Variants in UBXN2B observed in about 807,000 individuals in gnomAD.
The protein encoded by UBXN2B is UBX domain protein 2B, also known as UBX domain-containing protein 2B.
In UBXN2B, 19 loss-of-function variants were observed where a neutral mutation model predicts 37.5. The ratio of observed to expected loss-of-function variants is 0.51; its 90% CI spans 0.35 to 0.74. UBXN2B has a LOEUF of 0.74. Among genes scored for constraint, UBXN2B ranks in the 30% least tolerant of loss-of-function variants. The pLI, the probability that UBXN2B is intolerant of heterozygous loss-of-function variation, is 0.01. For missense variants in UBXN2B, 370 were observed against 393.2 expected, an observed-to-expected ratio of 0.94 and a Z score of 0.50; for synonymous variants, 145 against 143.8, an observed-to-expected ratio of 1.01 and a Z score of -0.06.
intron 2 of UBXN2B, chr8:58,424,984 A>G (rs1563459429): frequency 5.1e-6 from 4 of 790,634 alleles, no homozygotes; most frequent in East Asian, 2.4e-5. Flanking sequence ...TGTCCGGCCA[A>G]TTCCAGCACT....
At chr8:58,432,375 C>CGTTTTT (rs1554552059) in intron 3 of UBXN2B, among the ~76,000 whole-genome samples, 4 of 81,522 alleles carry the variant, frequency 4.9e-5, no homozygotes, top group Non-Finnish European at 8.5e-5. Flanking sequence ...TTCTAAATTT[C>CGTTTTT]TTTTTTTTTT....
intron 2 of UBXN2B, among the ~76,000 whole-genome samples, chr8:58,427,546 A>G (rs1457390289): frequency 6.6e-6 from 1 of 152,222 alleles, no homozygotes; most frequent in African/African-American, 2.4e-5. Context: ...GATATTTTAA[A>G]GGTGTTCATT....
chr8:58,427,920 A>G (rs184440538), intron 2 of UBXN2B, among the ~76,000 whole-genome samples: 1 of 152,338 alleles, frequency 6.6e-6, no homozygotes, highest in Admixed American at 6.5e-5. Flanking sequence ...ACTCAGTAAA[A>G]TAGAGAAGGA....
chr8:58,446,076 T>G lies in UBXN2B; in HGVS notation c.833+8T>G, dbSNP rs200263793. ...ATTCAATAGTACACACAGGTAAGCT[T>G]CTTTACCAACAGTGTCCTGTTTGCT... On this transcript the variant is annotated splice_region_variant and intron_variant, in intron 7 of 7. Coordinates refer to ENST00000399598, the MANE Select transcript of UBXN2B (RefSeq NM_001077619.2). 6 of 1,602,694 alleles carry G rather than the reference T, an allele frequency of 3.7e-6. No homozygotes were observed. The African/African-American group carries it at 4.0e-5, about 11-fold the overall frequency.
Position 58,426,654 on chromosome 8 carries a change from A to G in UBXN2B, c.189-3865A>G, listed in dbSNP as rs1808100695. The G allele has an allele frequency of 5.4e-6, 4 of 739,876 alleles. 1 individual carries two copies. The highest frequency in any genetic ancestry group is 5.4e-5 in the South Asian group (4 of 74,218). 45.8% of individuals were successfully genotyped at this position (739,876 alleles called of 1,614,324 possible). On this transcript the variant is annotated intron_variant, in intron 2 of 7. Coordinates refer to ENST00000399598, the MANE Select transcript of UBXN2B (RefSeq NM_001077619.2). ...TGGGTTTTCTGCCTCCACCCCAGTGATATTTGGGTGAAACCATCTCTACAA... is the reference window on the plus strand; with the variant it reads ...TGGGTTTTCTGCCTCCACCCCAGTGGTATTTGGGTGAAACCATCTCTACAA...
intron 2 of UBXN2B, among the ~76,000 whole-genome samples, chr8:58,417,770 A>G (rs1807822082): frequency 6.6e-6 from 1 of 152,170 alleles, no homozygotes; most frequent in African/African-American, 2.4e-5. Context: ...ACCTATATTC[A>G]CCAAGTTGGT....
At chr8:58,447,092 C>T (rs1442205435) in intron 7 of UBXN2B, among the ~76,000 whole-genome samples, 2 of 151,980 alleles carry the variant, frequency 1.3e-5, no homozygotes, top group African/African-American at 4.8e-5. Context: ...AGCCACCGTG[C>T]CCAGCTGGAC....
chr8:58,437,448 C>CT (rs1328970703), intron 5 of UBXN2B, among the ~76,000 whole-genome samples: 3 of 151,374 alleles, frequency 2.0e-5, no homozygotes, highest in African/African-American at 7.3e-5. Flanking sequence ...CTGCCTCAGC[C>CT]TCCCAAGTAG....
chr8:58,433,513 A>C (rs1808336195), intron 4 of UBXN2B, among the ~76,000 whole-genome samples: 1 of 151,790 alleles, frequency 6.6e-6, no homozygotes, highest in African/African-American at 2.4e-5. Flanking sequence ...GGTGACATGC[A>C]TCTGGAGTCC....
At chr8:58,440,240 A>G (rs140799873) in intron 6 of UBXN2B, among the ~76,000 whole-genome samples, 435 of 152,352 alleles carry the variant, frequency 2.9e-3, no homozygotes, top group African/African-American at 9.5e-3. Flanking sequence ...AGAGAATTGT[A>G]AAGGGTTGTC....
chr8:58,419,777 C>T (rs774694541), intron 2 of UBXN2B, among the ~76,000 whole-genome samples: 1 of 152,162 alleles, frequency 6.6e-6, no homozygotes, highest in Non-Finnish European at 1.5e-5. Flanking sequence ...GAAAAAGAAC[C>T]AGCAGAACTT....
At chr8:58,431,926 C>T (rs76059945) in intron 3 of UBXN2B, among the ~76,000 whole-genome samples, 4,155 of 152,210 alleles carry the variant, frequency 0.027, 211 homozygotes, top group East Asian at 0.23. Flanking sequence ...TTCCCATTCT[C>T]TAATTGGATT....
At chr8:58,420,363 T>G (rs1260146334) in intron 2 of UBXN2B, among the ~76,000 whole-genome samples, 5 of 152,134 alleles carry the variant, frequency 3.3e-5, no homozygotes, top group Admixed American at 3.3e-4. Context: ...AAAAAACAGT[T>G]GCAAATAGAC....
intron 6 of UBXN2B, among the ~76,000 whole-genome samples, chr8:58,441,348 C>CGTGTATAT (rs1242681481): frequency 9.6e-6 from 1 of 104,660 alleles, no homozygotes; most frequent in Admixed American, 8.5e-5. Flanking sequence ...TTGTGATCAA[C>CGTGTATAT]ATATATATAT....
chr8:58,431,027 C>T (rs1808258315), intron 3 of UBXN2B, among the ~76,000 whole-genome samples: 1 of 152,138 alleles, frequency 6.6e-6, no homozygotes, highest in African/African-American at 2.4e-5. Flanking sequence ...AGGAATTTGG[C>T]ATTTCTCTCT....
chr8:58,436,352 A>G (rs1808411460), intron 5 of UBXN2B, among the ~76,000 whole-genome samples: 1 of 152,214 alleles, frequency 6.6e-6, no homozygotes, highest in Non-Finnish European at 1.5e-5. Flanking sequence ...TATATGAGAC[A>G]GAGTTAGGTT....
rs878926953 is a variant in UBXN2B at position 58,445,816 on chromosome 8, C to G, written c.672-91C>G. On this transcript the variant is annotated intron_variant, in intron 6 of 7. Coordinates refer to ENST00000399598, the MANE Select transcript of UBXN2B (RefSeq NM_001077619.2). ...GAGGTTGAAAGAAGTATAGGAGACT[C>G]AAATGAAGCCATGTTCTAAGTGTTT... 8 of 1,156,844 alleles carry G rather than the reference C, an allele frequency of 6.9e-6. No individual in the cohort carries two copies. The South Asian group carries it at 1.2e-4, about 17-fold the overall frequency. The allele number at this position is 1,156,844 out of a possible 1,614,324, so 71.7% of individuals were successfully genotyped here.
chr8:58,425,334 G>T, intron 2 of UBXN2B: 1 of 1,156,252 alleles, frequency 8.6e-7, no homozygotes, highest in African/African-American at 1.5e-5. Context: ...AGTTTTCTTG[G>T]AATACCATCC....
chr8:58,446,264 C>A (rs964084280), intron 7 of UBXN2B, among the ~76,000 whole-genome samples, 196 bp downstream of exon 7: 1 of 152,130 alleles, frequency 6.6e-6, no homozygotes, highest in African/African-American at 2.4e-5. Context: ...GGTATTTAAA[C>A]AGTCTCTATA....
Sources: allele counts gnomAD v4.1 joint callset (sites outside exome capture counted in the v4.1 genomes callset), GRCh38; gene constraint gnomAD v4.1.1; transcripts MANE v1.5; gene names NCBI Gene and HGNC (gene_info 2026-07-23, HGNC 2026-07-21).